Variants in PIGN observed in about 807,000 individuals in gnomAD.
PIGN encodes the protein GPI ethanolamine phosphate transferase 1.
In PIGN, 117 loss-of-function variants were observed where a neutral mutation model predicts 125.4. That is an observed-to-expected ratio of 0.93 (90% confidence interval 0.80 to 1.09). PIGN has a LOEUF of 1.09. Among genes scored for constraint, PIGN ranks in the 50% least tolerant of loss-of-function variants. The pLI is 0.00. For synonymous variants in PIGN, 392 were observed against 377.8 expected, an observed-to-expected ratio of 1.04 and a Z score of -0.44; for missense variants, 1,075 against 1,094.9, an observed-to-expected ratio of 0.98 and a Z score of 0.26.
At chr18:62,144,934 G>C (rs2036263964) in intron 10 of PIGN, among the ~76,000 whole-genome samples, 1 of 149,024 alleles carries the variant, frequency 6.7e-6, no homozygotes. Context: ...CTGTGAACCT[G>C]TGAACAGCTA....
At chr18:62,017,808 A>T (rs1311358893) in intron 23 of PIGN, 2 of 151,694 alleles carry the variant, frequency 1.3e-5, no homozygotes, top group African/African-American at 4.8e-5. Flanking sequence ...GAGCTTTCCC[A>T]ACAGCCCCAC....
intron 30 of PIGN, among the ~76,000 whole-genome samples, chr18:62,048,647 T>C (rs2030943063): frequency 6.6e-6 from 1 of 150,580 alleles, no homozygotes; most frequent in African/African-American, 2.4e-5. Flanking sequence ...AATGAATTTA[T>C]TGCCTGCAGA....
intron 14 of PIGN, among the ~76,000 whole-genome samples, chr18:62,127,387 T>C (rs927117884): frequency 2.0e-5 from 3 of 152,182 alleles, no homozygotes; most frequent in African/African-American, 4.8e-5. Context: ...GAATATCTCA[T>C]GTAATTTATT....
chr18:62,107,245 A>C (rs1046730009), intron 17 of PIGN, among the ~76,000 whole-genome samples, 160 bp from the exon 18 acceptor site: 2 of 152,154 alleles, frequency 1.3e-5, no homozygotes, highest in Admixed American at 1.3e-4. Flanking sequence ...GGCTTTATTT[A>C]CCTATTTTTT....
At chr18:62,113,664 A>AT (rs2034970846) in intron 15 of PIGN, among the ~76,000 whole-genome samples, 1 of 152,088 alleles carries the variant, frequency 6.6e-6, no homozygotes, top group East Asian at 1.9e-4. Context: ...CCATATTTAT[A>AT]TTTTTTCTCA....
Position 62,130,243 on chromosome 18 carries a change from T to C in PIGN, c.1172+8000A>G, listed in dbSNP as rs143256868. Among the ~76,000 whole-genome samples the C allele has an allele frequency of 2.0e-5, 3 of 152,272 alleles. No homozygotes were observed. In the East Asian group the frequency reaches 5.8e-4, roughly 29 times the overall value. ...TTCTGTTATGCTAAGCCATGTAGGT[T>C]GTGGTAGTTTGTTATGGCAACCCTA... On this transcript the variant is annotated intron_variant, in intron 14 of 30. Transcript: ENST00000640252.
intron 23 of PIGN, among the ~76,000 whole-genome samples, chr18:62,028,369 C>T (rs2030151284): frequency 6.6e-6 from 1 of 152,192 alleles, no homozygotes; most frequent in Non-Finnish European, 1.5e-5. Flanking sequence ...GAATCAAACC[C>T]TCTTGGCGTA....
At chr18:62,164,190 G>A (rs1415716253) in intron 1 of PIGN, among the ~76,000 whole-genome samples, 1 of 152,174 alleles carries the variant, frequency 6.6e-6, no homozygotes, top group Admixed American at 6.5e-5. Context: ...ACCAAAGGCA[G>A]TCATGTAGAT....
chr18:62,102,977 T>C (rs1001665711), intron 20 of PIGN, 75 bp from the exon 21 acceptor site: 2 of 759,128 alleles, frequency 2.6e-6, no homozygotes, highest in South Asian at 4.4e-5. Flanking sequence ...ATATGAGACA[T>C]CTTACTCTAA....
At chr18:62,162,010 G>C (rs890701358) in intron 3 of PIGN, among the ~76,000 whole-genome samples, 7 of 152,028 alleles carry the variant, frequency 4.6e-5, no homozygotes, top group African/African-American at 1.4e-4. Flanking sequence ...CTGTGCTTCA[G>C]AAAATTTGTA....
chr18:62,127,155 C>G (rs1235068692), intron 14 of PIGN, among the ~76,000 whole-genome samples: 1 of 152,048 alleles, frequency 6.6e-6, no homozygotes, highest in South Asian at 2.1e-4. Context: ...ATTCAGTTTC[C>G]TCATGTGAAA....
intron 12 of PIGN, among the ~76,000 whole-genome samples, chr18:62,140,089 G>A (rs1274978741): frequency 6.6e-6 from 1 of 152,056 alleles, no homozygotes; most frequent in Admixed American, 6.6e-5. Context: ...AAAGCTATTT[G>A]GCTCATGTTC....
intron 30 of PIGN, among the ~76,000 whole-genome samples, chr18:62,071,943 T>C (rs2032902441): frequency 7.2e-6 from 1 of 138,834 alleles, no homozygotes; most frequent in Non-Finnish European, 1.5e-5. Flanking sequence ...AGGCAGGTCC[T>C]TCAGGAGGTA....
intron 14 of PIGN, among the ~76,000 whole-genome samples, chr18:62,124,923 CAT>C (rs773836768): frequency 1.3e-5 from 2 of 151,300 alleles, no homozygotes; most frequent in Non-Finnish European, 3.0e-5. Flanking sequence ...CGTCAAAAAA[CAT>C]GTAATTATTT....
At chr18:62,136,719 T>C (rs2035947915) in intron 14 of PIGN, 1 of 183,080 alleles carries the variant, frequency 5.5e-6, no homozygotes, top group Non-Finnish European at 1.1e-5. Flanking sequence ...AGTCATTCAA[T>C]CACATCCTTA....
At chr18:62,087,618 AAGAG>A (rs1294833251) in intron 25 of PIGN, among the ~76,000 whole-genome samples, 2 of 152,230 alleles carry the variant, frequency 1.3e-5, no homozygotes, top group African/African-American at 4.8e-5. Flanking sequence ...GGAACCTGTA[AAGAG>A]AGAAAGAAAG....
intron 14 of PIGN, among the ~76,000 whole-genome samples, chr18:62,117,194 A>G (rs1319872194): frequency 1.3e-5 from 2 of 152,114 alleles, no homozygotes; most frequent in Non-Finnish European, 2.9e-5. Context: ...TTGTCCCCAA[A>G]TATACGTTTT....
intron 30 of PIGN, chr18:62,070,532 G>T (rs2032783978): frequency 2.5e-6 from 1 of 398,278 alleles, no homozygotes; most frequent in African/African-American, 2.1e-5. Flanking sequence ...AGAGGGAAGA[G>T]GATGTTTAAC....
At chr18:62,167,234 C>CTA (rs1200408438) in intron 1 of PIGN, among the ~76,000 whole-genome samples, 36 of 135,814 alleles carry the variant, frequency 2.7e-4, no homozygotes, top group East Asian at 6.7e-4. Context: ...AAATCTCTCT[C>CTA]TATATATATA....
Sources: allele counts gnomAD v4.1 joint callset (sites outside exome capture counted in the v4.1 genomes callset), GRCh38; gene constraint gnomAD v4.1.1; transcripts MANE v1.5; gene names NCBI Gene and HGNC (gene_info 2026-07-23, HGNC 2026-07-21).